Variants in PADI6 observed in about 807,000 individuals in gnomAD.
The protein encoded by PADI6 is inactive protein-arginine deiminase type-6.
In PADI6, 66 loss-of-function variants were observed where a neutral mutation model predicts 78.2. The ratio of observed to expected loss-of-function variants is 0.84; its 90% CI spans 0.69 to 1.04. PADI6 has a LOEUF of 1.04. PADI6 is among the 50% of genes least tolerant of loss of function. PADI6 has a pLI of 0.00. For synonymous variants in PADI6, 397 were observed against 346.9 expected (o/e 1.14, Z -1.60); for missense variants, 854 against 866.1 (o/e 0.99, Z 0.18).
At chr1:17,389,205 C>T in intron 8 of PADI6, among the ~76,000 whole-genome samples, 1 of 152,202 alleles carries the variant, frequency 6.6e-6, no homozygotes, top group East Asian at 1.9e-4. Flanking sequence ...GATGAAGCTC[C>T]TACGGAGCCA....
chr1:17,381,033 C>A lies in PADI6; in HGVS notation c.436-14C>A. 3 of 1,575,402 alleles carry A rather than the reference C, an allele frequency of 1.9e-6. No homozygotes were observed. Among genetic ancestry groups the A allele is most frequent in the East Asian group, 4.6e-5 (2 of 43,168 alleles). ...TGGCTCCTTCCTGAGCCAATGTTCC[C>A]ATCTCATTTGCAGAAAAAATGGATC... On this transcript the variant is annotated splice_polypyrimidine_tract_variant and intron_variant, in intron 4 of 15. Transcript: ENST00000619609.
At chr1:17,392,398 T>C (rs1388279573) in intron 9 of PADI6, among the ~76,000 whole-genome samples, 173 bp downstream of exon 9, 1 of 152,236 alleles carries the variant, frequency 6.6e-6, no homozygotes, top group Non-Finnish European at 1.5e-5. Context: ...GCCTGAGTCA[T>C]GGCCACTAAG....
intron 9 of PADI6, 28 bp downstream of exon 9, chr1:17,392,253 T>TTGGGGAGGGG: frequency 1.3e-6 from 2 of 1,511,868 alleles, no homozygotes; most frequent in South Asian, 2.4e-5. Context: ...AACCCACCTG[T>TTGGGGAGGGG]CGGGGAGGGG....
chr1:17,382,088 C>T lies in PADI6; in HGVS notation c.675C>T (p.Pro225=). 6.2e-7 allele frequency: 1 copy of T among 1,613,642 alleles called. No homozygotes were observed. Among genetic ancestry groups the T allele is most frequent in the Non-Finnish European group, 8.5e-7 (1 of 1,179,716 alleles). ...EESKKARVYW[P]QKDNSSTFEL... ...CGAAGAAGGCGAGAGTCTACTGGCC[C>T]CAAAGTGAGTGTTCTTGTGCCAGCT... Residue 225 remains proline (P), a synonymous_variant, in exon 6 of 16, where the codon CCC becomes CCT. Coordinates refer to ENST00000619609, the MANE Select transcript of PADI6 (RefSeq NM_207421.4).
chr1:17,395,709 T>C (rs553770762), intron 13 of PADI6, 46 bp downstream of exon 13: 2 of 1,571,448 alleles, frequency 1.3e-6, no homozygotes, highest in African/African-American at 2.7e-5. Flanking sequence ...GTCTTCCTTT[T>C]TCCAGGGGTC....
intron 8 of PADI6, among the ~76,000 whole-genome samples, chr1:17,391,026 T>C (rs1171212003): frequency 1.3e-5 from 2 of 152,094 alleles, no homozygotes; most frequent in African/African-American, 4.8e-5. Context: ...ACCCAAGAAA[T>C]AGGTTCTTTG....
intron 13 of PADI6, 140 bp from the exon 14 acceptor site, chr1:17,396,931 C>G: frequency 2.7e-6 from 2 of 735,924 alleles, no homozygotes; most frequent in South Asian, 1.7e-5. Flanking sequence ...GGTGTGATCC[C>G]TGGAGATAGG....
chr1:17,375,365 G>C (rs1454257110), intron 2 of PADI6, 62 bp from the exon 3 acceptor site: 8 of 1,457,108 alleles, frequency 5.5e-6, no homozygotes, highest in Non-Finnish European at 7.6e-6. Flanking sequence ...CATGGCCTGG[G>C]GCTCTGTTCC....
rs769512965 is a variant in PADI6, at chr1:17,388,363, C to A, written c.680-18C>A. On this transcript the variant is annotated intron_variant, in intron 6 of 15. Transcript: ENST00000619609. ...CAGGTTACTTCAGTGGCTGGTCCAT[C>A]CCTTCTTTCTCTCCTAGAAGACAAC... 1 of 1,594,570 alleles carries A rather than the reference C, an allele frequency of 6.3e-7. No individual in the cohort carries two copies. The highest frequency in any genetic ancestry group is 8.6e-7 in the Non-Finnish European group (1 of 1,169,554).
intron 3 of PADI6, among the ~76,000 whole-genome samples, chr1:17,377,704 C>T (rs1436361066): frequency 6.6e-6 from 1 of 152,176 alleles, no homozygotes; most frequent in Non-Finnish European, 1.5e-5. Context: ...GACGTTTCGC[C>T]AGAATCCAGC....
chr1:17,376,641 G>A (rs766349557), intron 3 of PADI6, among the ~76,000 whole-genome samples: 3 of 150,476 alleles, frequency 2.0e-5, no homozygotes, highest in East Asian at 2.0e-4. Context: ...CTCGTGATCC[G>A]CCCACCTCAG....
chr1:17,392,950 C>A (rs2075202776), intron 9 of PADI6, among the ~76,000 whole-genome samples: 2 of 152,004 alleles, frequency 1.3e-5, no homozygotes, highest in African/African-American at 2.4e-5. Flanking sequence ...TTTAAAACAG[C>A]CTGGAAAACA....
chr1:17,395,154 T>C, intron 12 of PADI6, 47 bp downstream of exon 12: 1 of 1,556,636 alleles, frequency 6.4e-7, no homozygotes, highest in Non-Finnish European at 8.7e-7. Flanking sequence ...TTGCCTTCTG[T>C]TGGGGAATCT....
At position 17,388,692 on chromosome 1, in the gene PADI6, C is replaced by T. The variant is rs570433177; in HGVS notation, c.859-85C>T. The T allele has an allele frequency of 3.3e-3, 4,837 of 1,477,662 alleles. 13 individuals are homozygous for T. Among genetic ancestry groups the T allele is most frequent in the Non-Finnish European group, 4.1e-3 (4,416 of 1,084,088 alleles). 91.5% of individuals were successfully genotyped at this position (1,477,662 alleles called of 1,614,324 possible). A position where few individuals can be genotyped will look rare whatever the true frequency, so the allele number is the denominator to read the frequency against. On this transcript the variant is annotated intron_variant, in intron 7 of 15. Transcript: ENST00000619609. ...AGGCAAGTGGGGCCCAGCTGGGGGCCGGACTGAACGGCCGGAACCCTGGGG... is the reference window on the plus strand; with the variant it reads ...AGGCAAGTGGGGCCCAGCTGGGGGCTGGACTGAACGGCCGGAACCCTGGGG...
At chr1:17,397,845 C>T (rs984529862) in intron 14 of PADI6, among the ~76,000 whole-genome samples, 2 of 152,106 alleles carry the variant, frequency 1.3e-5, no homozygotes, top group African/African-American at 2.4e-5. Context: ...GTCCATTTCC[C>T]GGAAAATGAC....
In PADI6 at chr1:17,395,124, G is replaced by A; in HGVS notation, c.1494+17G>A. On this transcript the variant is annotated intron_variant, in intron 12 of 15. Transcript: ENST00000619609. ...GGCAAAAAGGTCTGCTTTGGGGTCTGGAGAAGGGACATCTGACCCTTGCCT... is the reference window on the plus strand; with the variant it reads ...GGCAAAAAGGTCTGCTTTGGGGTCTAGAGAAGGGACATCTGACCCTTGCCT... The A allele has an allele frequency of 6.2e-7, 1 of 1,608,118 alleles. No homozygotes were observed. Among genetic ancestry groups the A allele is most frequent in the East Asian group, 2.2e-5 (1 of 44,772 alleles).
chr1:17,400,697 C>T (rs1400970281), intron 15 of PADI6, among the ~76,000 whole-genome samples: 1 of 152,106 alleles, frequency 6.6e-6, no homozygotes, highest in Non-Finnish European at 1.5e-5. Flanking sequence ...TGAACTGAGG[C>T]ATTTGAGTGC....
Position 17,373,253 on chromosome 1 carries a change from G to T in PADI6, c.294+20G>T. The T allele has an allele frequency of 1.9e-6, 3 of 1,610,716 alleles. No homozygotes were observed. Among genetic ancestry groups the T allele is most frequent in the Non-Finnish European group, 2.5e-6 (3 of 1,177,442 alleles). ...GATAAGGTAAGCCTCAGGGGAAGAG[G>T]TGAGGGGCATCTCCCGGGGTGGGAC... On this transcript the variant is annotated intron_variant, in intron 2 of 15. Transcript: ENST00000619609.
Position 17,381,082 on chromosome 1 carries a change from C to T in PADI6, c.471C>T (p.Ala157=), listed in dbSNP as rs550437266. Reference sequence around the variant, plus strand: ...TCTGGGGTCCCAGCGGTTGGGGTGCCATCCTGCTTGTGAATTGCAACCCTG... The same window carrying T: ...TCTGGGGTCCCAGCGGTTGGGGTGCTATCCTGCTTGTGAATTGCAACCCTG... ...KWIWGPSGWG[A]ILLVNCNPAD... is the part of the protein sequence containing the mutation. The change falls in exon 5 of 16, where the codon GCC becomes GCT. Residue 157 remains alanine (A), a synonymous_variant. Transcript: ENST00000619609. 1.4e-5 allele frequency: 22 copies of T among 1,608,362 alleles called. No individual in the cohort carries two copies. The South Asian group carries it at 2.1e-4, about 16-fold the overall frequency.
Sources: gnomAD v4.1 joint callset for allele counts (sites outside exome capture counted in the v4.1 genomes callset) on GRCh38, gnomAD v4.1.1 for gene constraint, MANE v1.5 for transcripts, NCBI Gene and HGNC (gene_info 2026-07-23, HGNC 2026-07-21) for gene names.